Variants in ABCA13 observed in about 807,000 individuals in gnomAD.
ABCA13 encodes the protein ATP-binding cassette sub-family A member 13.
In ABCA13, 476 loss-of-function variants were observed where a neutral mutation model predicts 478.7. That is an observed-to-expected ratio of 0.99 (90% CI 0.92 to 1.07). The LOEUF (loss-of-function observed/expected upper bound fraction) is 1.07. ABCA13 is among the 50% of genes least tolerant of loss of function. ABCA13 has a pLI of 0.00. For synonymous variants in ABCA13, 2,252 were observed against 2,158.9 expected (o/e 1.04, Z -1.20); for missense variants, 6,060 against 5,910.6 (o/e 1.03, Z -0.83).
intron 32 of ABCA13, 68 bp downstream of exon 32, chr7:48,367,976 G>T: frequency 8.0e-7 from 1 of 1,251,098 alleles, no homozygotes; most frequent in Non-Finnish European, 1.1e-6. Flanking sequence ...AATGGATCTT[G>T]TCCCATAACC....
At chr7:48,442,251 G>A (rs1823713523) in intron 42 of ABCA13, among the ~76,000 whole-genome samples, 1 of 148,494 alleles carries the variant, frequency 6.7e-6, no homozygotes, top group Non-Finnish European at 1.5e-5. Flanking sequence ...AGTTGTAGTT[G>A]TATTGGCAGC....
At chr7:48,632,685 G>T (rs1332695054) in intron 59 of ABCA13, among the ~76,000 whole-genome samples, 1 of 152,102 alleles carries the variant, frequency 6.6e-6, no homozygotes, top group Admixed American at 6.6e-5. Context: ...ATAGAATTAA[G>T]AGTCCAGGAG....
intron 15 of ABCA13, 130 bp from the exon 16 acceptor site, chr7:48,268,850 C>CTTTTTTTTTTTTTTTT: frequency 4.1e-6 from 1 of 244,872 alleles, no homozygotes. Context: ...TCCTACTCAT[C>CTTTTTTTTTTTTTTTT]TTTTTTTTTT....
chr7:48,223,983 A>C (rs1409252656), intron 5 of ABCA13, among the ~76,000 whole-genome samples: 1 of 146,354 alleles, frequency 6.8e-6, no homozygotes, highest in African/African-American at 2.5e-5. Flanking sequence ...AAAAAGAGAG[A>C]GAGAGAGAGA....
chr7:48,542,587 G>GA (rs942301726), intron 55 of ABCA13, among the ~76,000 whole-genome samples: 2 of 151,254 alleles, frequency 1.3e-5, no homozygotes, highest in East Asian at 1.9e-4. Flanking sequence ...AATTACAATA[G>GA]AAAAAAACAC....
Position 48,483,128 on chromosome 7 carries a change from A to G in ABCA13, c.13147A>G (p.Asn4383Asp). ...LKIPSEAGGA[N>D]GNISKPPTLA... The stretch of plus-strand genomic sequence containing the variant: ...AATCCCCAGTGAAGCTGGAGGTGCA[A>G]ATGGAAACATATCAAAACCCCCAAC... The change falls in exon 47 of 62, where the codon AAT becomes GAT. Residue 4383 changes from asparagine (N) to aspartate (D), a missense_variant. Coordinates refer to ENST00000435803, the MANE Select transcript of ABCA13 (RefSeq NM_152701.5). The G allele has an allele frequency of 6.2e-7, 1 of 1,613,378 alleles. No individual in the cohort carries two copies.
intron 16 of ABCA13, among the ~76,000 whole-genome samples, chr7:48,270,840 C>A (rs80283332): frequency 0.011 from 1,663 of 152,196 alleles, 31 homozygotes; most frequent in African/African-American, 0.038. Flanking sequence ...CAATAAAGGT[C>A]AAAAATTCCT....
chr7:48,331,982 A>T (rs1166715909), intron 27 of ABCA13, among the ~76,000 whole-genome samples: 1 of 152,226 alleles, frequency 6.6e-6, no homozygotes, highest in Non-Finnish European at 1.5e-5. Context: ...TGTTGTATAC[A>T]TGGAATTATA....
chr7:48,602,499 GT>G (rs1791010688), intron 58 of ABCA13, among the ~76,000 whole-genome samples: 1 of 152,114 alleles, frequency 6.6e-6, no homozygotes, highest in Non-Finnish European at 1.5e-5. Flanking sequence ...CCCATTGCTT[GT>G]TTTTGCCAGT....
At chr7:48,314,886 TAGGTACAAATGAATATGTCAC>T (rs1802337329) in intron 26 of ABCA13, among the ~76,000 whole-genome samples, 4 of 152,206 alleles carry the variant, frequency 2.6e-5, no homozygotes, top group Non-Finnish European at 4.4e-5. Flanking sequence ...TATGCCACGA[TAGGTACAAATGAATATGTCAC>T]GATAGGTACA....
intron 58 of ABCA13, among the ~76,000 whole-genome samples, chr7:48,614,840 A>T (rs1458192325): frequency 7.3e-6 from 1 of 137,478 alleles, no homozygotes; most frequent in Non-Finnish European, 1.6e-5. Flanking sequence ...AACAATGAGA[A>T]CACATGGACA....
intron 6 of ABCA13, 41 bp downstream of exon 6, chr7:48,227,466 GT>G (rs1562823194): frequency 3.8e-6 from 6 of 1,589,450 alleles, no homozygotes; most frequent in Middle Eastern, 1.7e-4. Flanking sequence ...TCAATATGTT[GT>G]TTTTTTACCT....
At chr7:48,360,110 A>T (rs1810586063) in intron 31 of ABCA13, among the ~76,000 whole-genome samples, 1 of 151,878 alleles carries the variant, frequency 6.6e-6, no homozygotes, top group Admixed American at 6.6e-5. Context: ...TTACATATGT[A>T]TACATGTGCC....
chr7:48,425,556 C>T (rs1821282948), intron 41 of ABCA13, among the ~76,000 whole-genome samples: 1 of 152,162 alleles, frequency 6.6e-6, no homozygotes, highest in Admixed American at 6.5e-5. Context: ...CTCATCTCAT[C>T]AGATTGATCT....
intron 1 of ABCA13, among the ~76,000 whole-genome samples, chr7:48,186,551 A>G (rs538463078): frequency 1.1e-4 from 17 of 152,130 alleles, no homozygotes; most frequent in Middle Eastern, 3.4e-3. Flanking sequence ...TACTTTATCT[A>G]TGGATTTGGA....
chr7:48,407,287 A>C (rs1818390984), intron 39 of ABCA13, among the ~76,000 whole-genome samples: 1 of 151,946 alleles, frequency 6.6e-6, no homozygotes, highest in African/African-American at 2.4e-5. Context: ...CAGCCTGACC[A>C]ACATGGCAAA....
At chr7:48,217,309 T>C (rs1786632321) in intron 3 of ABCA13, among the ~76,000 whole-genome samples, 1 of 152,180 alleles carries the variant, frequency 6.6e-6, no homozygotes, top group Admixed American at 6.5e-5. Context: ...GAGATAATTC[T>C]CATTTGATAA....
intron 38 of ABCA13, 76 bp from the exon 39 acceptor site, chr7:48,403,607 A>G: frequency 7.0e-7 from 1 of 1,431,674 alleles, no homozygotes; most frequent in Non-Finnish European, 9.6e-7. Context: ...ACTGTTAGTC[A>G]TTATTTCTGG....
intron 33 of ABCA13, among the ~76,000 whole-genome samples, 189 bp downstream of exon 33, chr7:48,372,686 C>T (rs1283591593): frequency 1.3e-5 from 2 of 152,182 alleles, no homozygotes; most frequent in African/African-American, 2.4e-5. Context: ...TTTTGCTGGA[C>T]AGCAGCCCAT....
Sources: allele counts gnomAD v4.1 joint callset (sites outside exome capture counted in the v4.1 genomes callset), GRCh38; gene constraint gnomAD v4.1.1; transcripts MANE v1.5; gene names NCBI Gene and HGNC (gene_info 2026-07-23, HGNC 2026-07-21).